Variants in GRM8 observed in about 807,000 individuals in gnomAD.
GRM8 encodes metabotropic glutamate receptor 8.
Under a neutral mutation model 87.2 loss-of-function variants are expected in GRM8, and 47 were observed. The observed-to-expected ratio is 0.54, with a 90% CI of 0.43 to 0.69. The LOEUF (loss-of-function observed/expected upper bound fraction) is 0.69, where lower values mean the gene tolerates loss of function less well. Among genes scored for constraint, GRM8 ranks in the 30% least tolerant of loss-of-function variants. The pLI, the probability that GRM8 is intolerant of heterozygous loss-of-function variation, is 0.00. For synonymous variants in GRM8, 396 were observed against 404.5 expected, an observed-to-expected ratio of 0.98 and a Z score of 0.25; for missense variants, 1,019 against 1,139.2, an observed-to-expected ratio of 0.89 and a Z score of 1.52.
intron 9 of GRM8, among the ~76,000 whole-genome samples, chr7:126,460,247 C>T (rs1803743860): frequency 1.3e-5 from 2 of 151,560 alleles, no homozygotes; most frequent in African/African-American, 2.4e-5. Context: ...TTTATCCATA[C>T]ATATGGTGAC....
chr7:126,675,297 C>A (rs1301684883), intron 7 of GRM8, among the ~76,000 whole-genome samples: 1 of 152,086 alleles, frequency 6.6e-6, no homozygotes, highest in Non-Finnish European at 1.5e-5. Flanking sequence ...GATTCACAGC[C>A]AAATTCTACC....
At chr7:126,506,538 G>C (rs955075523) in intron 9 of GRM8, among the ~76,000 whole-genome samples, 2 of 151,942 alleles carry the variant, frequency 1.3e-5, no homozygotes, top group South Asian at 4.1e-4. Context: ...CCAGCACCTT[G>C]AGAGGCCCAG....
chr7:126,582,468 T>C (rs1585119042), intron 8 of GRM8, among the ~76,000 whole-genome samples: 2 of 152,214 alleles, frequency 1.3e-5, no homozygotes, highest in Admixed American at 1.3e-4. Flanking sequence ...CAAGTACTCA[T>C]ATGGGAGCTA....
intron 3 of GRM8, among the ~76,000 whole-genome samples, chr7:126,966,254 C>T (rs1453496344): frequency 6.6e-6 from 1 of 152,056 alleles, no homozygotes; most frequent in African/African-American, 2.4e-5. Flanking sequence ...CCCACCTCAG[C>T]CCCACAAGTA....
chr7:127,239,307 T>G (rs1439994649), intron 2 of GRM8, among the ~76,000 whole-genome samples: 1 of 152,240 alleles, frequency 6.6e-6, no homozygotes, highest in Non-Finnish European at 1.5e-5. Flanking sequence ...TTATGTTTAT[T>G]GTTGAGTAGG....
Position 127,157,177 on chromosome 7 carries a change from G to A in GRM8, c.511-50465C>T, listed in dbSNP as rs553005761. ...AGGAAGGGAGAGAGGGAGGGAAGGA[G>A]GGGAAAGAACAAGGAAATGAGAACA... On this transcript the variant is annotated intron_variant, in intron 2 of 10. Coordinates refer to ENST00000339582, the MANE Select transcript of GRM8 (RefSeq NM_000845.3). Among the ~76,000 whole-genome samples, 82 of 148,546 alleles carry A rather than the reference G, an allele frequency of 5.5e-4. 1 individual carries two copies. The South Asian group carries it at 0.017, about 31-fold the overall frequency.
chr7:126,708,637 T>C (rs966667867), intron 7 of GRM8, among the ~76,000 whole-genome samples: 2 of 151,680 alleles, frequency 1.3e-5, no homozygotes, highest in Admixed American at 6.6e-5. Flanking sequence ...TAGAGTACTA[T>C]TCTAAGGAAA....
At chr7:126,663,967 G>A (rs1585425058) in intron 7 of GRM8, among the ~76,000 whole-genome samples, 1 of 152,082 alleles carries the variant, frequency 6.6e-6, no homozygotes, top group African/African-American at 2.4e-5. Context: ...AATCAACGTG[G>A]AGAAATCAGT....
chr7:127,197,322 C>T (rs1038190405), intron 2 of GRM8, among the ~76,000 whole-genome samples: 13 of 152,116 alleles, frequency 8.5e-5, no homozygotes, highest in African/African-American at 3.1e-4. Context: ...AAAATCTCGA[C>T]AACCTACACA....
chr7:126,558,224 C>T (rs1793350380), intron 8 of GRM8, among the ~76,000 whole-genome samples: 2 of 152,156 alleles, frequency 1.3e-5, no homozygotes, highest in South Asian at 4.1e-4. Flanking sequence ...GCAAAAATGG[C>T]TAATAGCTTA....
chr7:126,537,611 C>A (rs1490481182), intron 8 of GRM8, among the ~76,000 whole-genome samples: 1 of 152,000 alleles, frequency 6.6e-6, no homozygotes, highest in Non-Finnish European at 1.5e-5. Context: ...CCTGTCTCTT[C>A]TAAAAATACA....
intron 3 of GRM8, among the ~76,000 whole-genome samples, chr7:127,015,537 G>T (rs934570933): frequency 6.6e-6 from 1 of 152,092 alleles, no homozygotes; most frequent in African/African-American, 2.4e-5. Context: ...TTCATCTGTT[G>T]ACCTTAAACC....
chr7:126,562,927 A>G (rs949974679), intron 8 of GRM8, among the ~76,000 whole-genome samples: 2 of 152,210 alleles, frequency 1.3e-5, no homozygotes, highest in Non-Finnish European at 2.9e-5. Context: ...GGTTTTAAAT[A>G]AACAAGCTCT....
rs964113740 is a variant in GRM8 at position 126,622,286 on chromosome 7, A to C, written c.1358-12788T>G. On this transcript the variant is annotated intron_variant, in intron 7 of 10. Transcript: ENST00000339582. ...CTTTAAATTCATACCCTCAGATTTCACATGGACAATCAGCATTGCTCTGCA... is the reference window on the plus strand; with the variant it reads ...CTTTAAATTCATACCCTCAGATTTCCCATGGACAATCAGCATTGCTCTGCA... Among the ~76,000 whole-genome samples the C allele has an allele frequency of 3.3e-5, 5 of 152,198 alleles. No homozygotes were observed. The South Asian group carries it at 8.3e-4, about 25-fold the overall frequency.
chr7:126,680,793 T>C (rs1437355389), intron 7 of GRM8, among the ~76,000 whole-genome samples: 1 of 152,260 alleles, frequency 6.6e-6, no homozygotes, highest in Non-Finnish European at 1.5e-5. Flanking sequence ...CTCCAGCTTT[T>C]ATTGGTATCC....
chr7:126,832,377 G>C (rs780456034), intron 6 of GRM8, among the ~76,000 whole-genome samples: 22 of 152,000 alleles, frequency 1.4e-4, no homozygotes, highest in Non-Finnish European at 2.5e-4. Flanking sequence ...CATTGTAAAT[G>C]CCTTTTCTTT....
At chr7:127,165,029 T>C (rs558532285) in intron 2 of GRM8, among the ~76,000 whole-genome samples, 34 of 151,102 alleles carry the variant, frequency 2.3e-4, no homozygotes, top group East Asian at 7.8e-4. Context: ...AATATTCCAC[T>C]ATATACCTGG....
chr7:126,714,826 GTA>G (rs201770024), intron 7 of GRM8, among the ~76,000 whole-genome samples: 1 of 150,756 alleles, frequency 6.6e-6, no homozygotes, highest in African/African-American at 2.4e-5. Flanking sequence ...ATATATATGT[GTA>G]TATATATATA....
intron 3 of GRM8, among the ~76,000 whole-genome samples, chr7:126,994,084 T>A (rs1812939170): frequency 6.6e-6 from 1 of 152,090 alleles, no homozygotes; most frequent in Non-Finnish European, 1.5e-5. Flanking sequence ...GACTCCTTCC[T>A]TCTACTTGAG....
Sources: gnomAD v4.1 joint callset for allele counts (sites outside exome capture counted in the v4.1 genomes callset) on GRCh38, gnomAD v4.1.1 for gene constraint, MANE v1.5 for transcripts, NCBI Gene and HGNC (gene_info 2026-07-23, HGNC 2026-07-21) for gene names.